Variants in MYBL2 observed in about 807,000 individuals in gnomAD.
MYBL2 encodes the protein myb-related protein B.
A neutral mutation model predicts 79.9 loss-of-function variants in MYBL2; 28 were observed. That is an observed-to-expected ratio of 0.35 (90% CI 0.26 to 0.48). The LOEUF (loss-of-function observed/expected upper bound fraction) is 0.48, where lower values mean the gene tolerates loss of function less well. MYBL2 is among the 20% of genes least tolerant of loss of function. The pLI, the probability that MYBL2 is intolerant of heterozygous loss-of-function variation, is 0.99. For synonymous variants in MYBL2, 378 were observed against 361.2 expected, an observed-to-expected ratio of 1.05 and a Z score of -0.53; for missense variants, 735 against 893.9, an observed-to-expected ratio of 0.82 and a Z score of 2.27.
chr20:43,682,687 TGCCTAGTCCCAGGCCATAGGCCCCTGA>T, intron 3 of MYBL2, 80 bp from the exon 4 acceptor site: 3 of 948,340 alleles, frequency 3.2e-6, no homozygotes, highest in Non-Finnish European at 5.1e-6. Context: ...ACCCAAGGTG[TGCCTAGTCCCAGGCCATAGGCCCCTGA>T]GCCTAGTACT....
At chr20:43,715,734 G>T (rs765917275) in intron 13 of MYBL2, among the ~76,000 whole-genome samples, 20 of 152,202 alleles carry the variant, frequency 1.3e-4, no homozygotes, top group Non-Finnish European at 2.6e-4. Flanking sequence ...GGGGCGGGCA[G>T]TGCATGGCCA....
In MYBL2 at chr20:43,716,127, G is replaced by T. The variant is rs1366061655; in HGVS notation, c.*40G>T. 1 of 1,598,070 alleles carries T rather than the reference G, an allele frequency of 6.3e-7. No homozygotes were observed. The highest frequency in any genetic ancestry group is 8.5e-7 in the Non-Finnish European group (1 of 1,178,702). ...CACGAGCCCATTCTCATGTTTACAGGGGTTGTGGGGGCAGAGGGGGTCTGT... is the reference window on the plus strand; with the variant it reads ...CACGAGCCCATTCTCATGTTTACAGTGGTTGTGGGGGCAGAGGGGGTCTGT... On this transcript the variant is annotated 3_prime_UTR_variant, in exon 14 of 14. Coordinates refer to ENST00000217026, the MANE Select transcript of MYBL2 (RefSeq NM_002466.4).
At chr20:43,697,863 C>A (rs1022689758) in intron 6 of MYBL2, among the ~76,000 whole-genome samples, 2 of 148,652 alleles carry the variant, frequency 1.3e-5, no homozygotes, top group African/African-American at 5.0e-5. Flanking sequence ...TGCAGTGAGC[C>A]GAGATCGCGC....
intron 4 of MYBL2, among the ~76,000 whole-genome samples, chr20:43,683,557 T>C (rs1300981044): frequency 2.0e-5 from 3 of 150,020 alleles, no homozygotes; most frequent in Non-Finnish European, 4.4e-5. Flanking sequence ...AGGCATTTTT[T>C]TTTTTTTTTT....
intron 1 of MYBL2, among the ~76,000 whole-genome samples, chr20:43,670,045 C>G (rs1485095864): frequency 6.6e-6 from 1 of 152,192 alleles, no homozygotes; most frequent in Admixed American, 6.5e-5. Flanking sequence ...GCAGAGGTTG[C>G]TGTGAGTCGA....
At chr20:43,679,247 T>C (rs1437203194) in intron 2 of MYBL2, among the ~76,000 whole-genome samples, 2 of 152,222 alleles carry the variant, frequency 1.3e-5, no homozygotes, top group Non-Finnish European at 2.9e-5. Context: ...AGTTGAGGGC[T>C]TTGATACCTG....
chr20:43,716,468 A>C lies in MYBL2; in HGVS notation c.*381A>C. 4.2e-6 allele frequency: 1 copy of C among 238,454 alleles called. No homozygotes were observed. The allele number at this position is 238,454 out of a possible 1,614,324, so 14.8% of individuals were successfully genotyped here. On this transcript the variant is annotated 3_prime_UTR_variant, in exon 14 of 14. Coordinates refer to ENST00000217026, the MANE Select transcript of MYBL2 (RefSeq NM_002466.4). ...TTGGTGCATTTTTTTGGAAGAATAA[A>C]ATTGCCTCTCTCTTTGTGCTGGTCT...
At chr20:43,705,151 C>T in intron 8 of MYBL2, 68 bp from the exon 9 acceptor site, 2 of 1,556,728 alleles carry the variant, frequency 1.3e-6, no homozygotes, top group East Asian at 4.5e-5. Flanking sequence ...TCCCCATGAT[C>T]CCCTGAGGTC....
At chr20:43,715,857 G>A (rs1000417970) in intron 13 of MYBL2, 102 bp from the exon 14 acceptor site, 2 of 1,429,750 alleles carry the variant, frequency 1.4e-6, no homozygotes, top group Admixed American at 4.6e-5. Flanking sequence ...GGCTTCTAGG[G>A]GAGGGAGGCT....
At chr20:43,710,904 C>T (rs925442913) in intron 10 of MYBL2, among the ~76,000 whole-genome samples, 1 of 152,196 alleles carries the variant, frequency 6.6e-6, no homozygotes, top group Non-Finnish European at 1.5e-5. Context: ...GGTGTGAGGG[C>T]AAATCACATG....
chr20:43,694,115 G>A lies in MYBL2; in HGVS notation c.663+1796G>A, dbSNP rs150976746. Among the ~76,000 whole-genome samples, 438 of 152,004 alleles carry A rather than the reference G, an allele frequency of 2.9e-3. 3 individuals carry two copies. The highest frequency in any genetic ancestry group is 9.8e-3 in the African/African-American group (405 of 41,474). On this transcript the variant is annotated intron_variant, in intron 6 of 13. Transcript: ENST00000217026. ...TGGGAGGCCGAGGCGGGTGGATCAC[G>A]AGGACAGGAGATTGAGACCATCCTG...
At chr20:43,668,853 G>A (rs1986787814) in intron 1 of MYBL2, among the ~76,000 whole-genome samples, 2 of 151,932 alleles carry the variant, frequency 1.3e-5, no homozygotes, top group South Asian at 4.2e-4. Flanking sequence ...GGCACGGGCC[G>A]CCACAACTGG....
chr20:43,714,161 C>A (rs1987975776), intron 12 of MYBL2, among the ~76,000 whole-genome samples: 1 of 152,144 alleles, frequency 6.6e-6, no homozygotes, highest in South Asian at 2.1e-4. Flanking sequence ...TGGGATCTTT[C>A]AGGTTCCCTG....
At chr20:43,673,681 GA>G (rs745784909) in intron 1 of MYBL2, 124 bp from the exon 2 acceptor site, 3 of 881,058 alleles carry the variant, frequency 3.4e-6, no homozygotes, top group Admixed American at 3.4e-5. Flanking sequence ...TTAAAAAGAA[GA>G]AAAAGTAAGA....
intron 5 of MYBL2, among the ~76,000 whole-genome samples, chr20:43,688,010 CAA>C (rs11086887): frequency 3.4e-5 from 4 of 117,392 alleles, no homozygotes; most frequent in Non-Finnish European, 3.4e-5. Flanking sequence ...AGACTGTCTC[CAA>C]AAAAAAAAAA....
At chr20:43,675,772 T>TGC (rs1986992946) in intron 2 of MYBL2, among the ~76,000 whole-genome samples, 1 of 151,394 alleles carries the variant, frequency 6.6e-6, no homozygotes, top group Admixed American at 6.6e-5. Flanking sequence ...TGTGTGTGTG[T>TGC]GTGTGTGTGT....
intron 2 of MYBL2, among the ~76,000 whole-genome samples, chr20:43,677,308 T>C (rs1987036085): frequency 1.3e-5 from 2 of 152,180 alleles, no homozygotes; most frequent in Non-Finnish European, 2.9e-5. Flanking sequence ...AGGATCAGTG[T>C]CTGTTGGTGC....
At position 43,711,608 on chromosome 20, in the gene MYBL2, A is replaced by G. The variant is rs1987909479; in HGVS notation, c.1719+7A>G. The G allele has an allele frequency of 1.2e-6, 2 of 1,601,870 alleles. No homozygotes were observed. Among genetic ancestry groups the G allele is most frequent in the African/African-American group, 1.3e-5 (1 of 74,502 alleles). On this transcript the variant is annotated splice_region_variant and intron_variant, in intron 11 of 13. Coordinates refer to ENST00000217026, the MANE Select transcript of MYBL2 (RefSeq NM_002466.4). ...GCAGAAGAGGAAGCCTGGGGTGAGT[A>G]GGGTAGGGGTGGGAGAGCCTGGGCA...
chr20:43,712,715 A>G (rs1987936328), intron 11 of MYBL2, among the ~76,000 whole-genome samples: 1 of 152,114 alleles, frequency 6.6e-6, no homozygotes, highest in Non-Finnish European at 1.5e-5. Context: ...ATTCGGGGTG[A>G]GAACAGGTCA....
Sources: gnomAD v4.1 joint callset for allele counts (sites outside exome capture counted in the v4.1 genomes callset) on GRCh38, gnomAD v4.1.1 for gene constraint, MANE v1.5 for transcripts, NCBI Gene and HGNC (gene_info 2026-07-23, HGNC 2026-07-21) for gene names.